ARHGEF7: variants seen among roughly 807,000 people sequenced by gnomAD.
ARHGEF7 encodes Rho guanine nucleotide exchange factor 7, also known as PAK-interacting exchange factor beta.
In ARHGEF7, 33 loss-of-function variants were observed where a neutral mutation model predicts 109.8. The observed-to-expected ratio is 0.30, with a 90% CI of 0.23 to 0.40. ARHGEF7 has a LOEUF of 0.40. Ranked by LOEUF, ARHGEF7 falls within the 10% of genes least tolerant of loss-of-function variation. The probability of loss-of-function intolerance (pLI) is 1.00; values close to 1 mark genes in which losing one functional copy is unlikely to be tolerated. For missense variants in ARHGEF7, 938 were observed against 1,098.5 expected (o/e 0.85, Z 2.07); for synonymous variants, 458 against 424.6 (o/e 1.08, Z -0.97).
chr13:111,156,080 CAAAAAA>C (rs56803261), intron 2 of ARHGEF7, among the ~76,000 whole-genome samples: 91 of 123,678 alleles, frequency 7.4e-4, no homozygotes, highest in Admixed American at 9.1e-4. Flanking sequence ...AAGACTCCCT[CAAAAAA>C]AAAAAAAAAA....
intron 1 of ARHGEF7, among the ~76,000 whole-genome samples, chr13:111,120,145 G>C (rs1215562236): frequency 6.6e-6 from 1 of 152,172 alleles, no homozygotes; most frequent in African/African-American, 2.4e-5. Flanking sequence ...TGACTTTATA[G>C]TCCTGTCTCA....
At chr13:111,136,462 A>G (rs2075093662) in intron 1 of ARHGEF7, among the ~76,000 whole-genome samples, 1 of 152,228 alleles carries the variant, frequency 6.6e-6, no homozygotes. Flanking sequence ...GCTCAACTAC[A>G]TGGAAACTGA....
At chr13:111,262,047 C>T (rs1383916142) in intron 8 of ARHGEF7, among the ~76,000 whole-genome samples, 4 of 152,024 alleles carry the variant, frequency 2.6e-5, no homozygotes, top group East Asian at 3.8e-4. Flanking sequence ...AATGATGCAT[C>T]TTAACAAGAA....
chr13:111,268,133 T>G (rs1019017307), intron 9 of ARHGEF7, among the ~76,000 whole-genome samples: 4 of 152,248 alleles, frequency 2.6e-5, no homozygotes, highest in African/African-American at 9.6e-5. Context: ...CAACAGAGAA[T>G]GCACAGACGT....
At chr13:111,221,202 T>C (rs2083849852) in intron 5 of ARHGEF7, among the ~76,000 whole-genome samples, 2 of 68,834 alleles carry the variant, frequency 2.9e-5, no homozygotes, top group Admixed American at 2.9e-4. Context: ...TATATATCTA[T>C]ATAGATATAT....
chr13:111,203,333 C>T (rs1411544681), intron 2 of ARHGEF7, among the ~76,000 whole-genome samples: 2 of 152,096 alleles, frequency 1.3e-5, no homozygotes, highest in South Asian at 2.1e-4. Context: ...CAGCTTAACC[C>T]GTATTTGTTA....
chr13:111,211,476 G>A (rs1035389999), intron 4 of ARHGEF7, among the ~76,000 whole-genome samples: 5 of 152,144 alleles, frequency 3.3e-5, no homozygotes, highest in African/African-American at 9.7e-5. Flanking sequence ...TGTAATGTTT[G>A]TTGGTAATGT....
chr13:111,252,849 G>A (rs755247904), intron 8 of ARHGEF7, among the ~76,000 whole-genome samples: 1 of 152,236 alleles, frequency 6.6e-6, no homozygotes, highest in African/African-American at 2.4e-5. Flanking sequence ...GTCTTCATTC[G>A]AGGTATGTAT....
At chr13:111,217,990 C>A in intron 5 of ARHGEF7, 110 bp downstream of exon 5, 1 of 1,126,634 alleles carries the variant, frequency 8.9e-7, no homozygotes, top group Non-Finnish European at 1.2e-6. Context: ...ATGACCTGGT[C>A]TTAGGATACA....
intron 1 of ARHGEF7, among the ~76,000 whole-genome samples, chr13:111,148,590 T>C (rs1408699385): frequency 2.6e-5 from 4 of 152,180 alleles, no homozygotes; most frequent in African/African-American, 7.2e-5. Flanking sequence ...ATGAAGCTGG[T>C]TGGGCCGTCC....
At chr13:111,123,895 C>T (rs945150655) in intron 1 of ARHGEF7, among the ~76,000 whole-genome samples, 11 of 150,762 alleles carry the variant, frequency 7.3e-5, no homozygotes, top group Non-Finnish European at 1.2e-4. Flanking sequence ...CCTGCCCCTG[C>T]GGCTGCCAGG....
At chr13:111,222,783 C>T (rs950695306) in intron 5 of ARHGEF7, among the ~76,000 whole-genome samples, 7 of 152,132 alleles carry the variant, frequency 4.6e-5, no homozygotes, top group African/African-American at 1.4e-4. Flanking sequence ...CATTTTTTAC[C>T]GTGTTACTCT....
intron 1 of ARHGEF7, among the ~76,000 whole-genome samples, chr13:111,129,515 A>C (rs545983683): frequency 7.4e-4 from 112 of 152,344 alleles, no homozygotes; most frequent in African/African-American, 2.5e-3. Context: ...TATGTAAAGA[A>C]CTCTCAAAAC....
chr13:111,244,867 T>C (rs1468562974), intron 8 of ARHGEF7, among the ~76,000 whole-genome samples: 5 of 152,240 alleles, frequency 3.3e-5, no homozygotes, highest in African/African-American at 9.6e-5. Context: ...TTTATTCTTG[T>C]AGCGTAAAAA....
At position 111,209,900 on chromosome 13, in the gene ARHGEF7, T is replaced by C. The variant is rs772154506; in HGVS notation, c.366T>C (p.Cys122=). ...ADIGLGSDSV[C]ARPSSHRIKS... The stretch of plus-strand genomic sequence containing the variant: ...TCGGGCTGGGGAGTGACTCCGTGTG[T>C]GCCCGGCCCTCGTCTCACCGCATAA... The change falls in exon 4 of 22, where the codon TGT becomes TGC. Residue 122 remains cysteine (C), a synonymous_variant. Transcript: ENST00000646102. 2 of 1,614,218 alleles carry C rather than the reference T, an allele frequency of 1.2e-6. No individual in the cohort carries two copies. Among genetic ancestry groups the C allele is most frequent in the Middle Eastern group, 1.7e-4 (1 of 6,060 alleles).
intron 2 of ARHGEF7, among the ~76,000 whole-genome samples, chr13:111,195,852 C>G (rs1427752531): frequency 2.6e-5 from 4 of 152,176 alleles, no homozygotes; most frequent in Admixed American, 2.0e-4. Context: ...GTTTGTCTGT[C>G]TGAGGGCCAT....
intron 1 of ARHGEF7, among the ~76,000 whole-genome samples, chr13:111,149,575 A>C (rs115636868): frequency 5.9e-5 from 9 of 152,374 alleles, no homozygotes; most frequent in African/African-American, 1.7e-4. Flanking sequence ...TTTGCCAACC[A>C]ATCAATACAT....
chr13:111,304,671 G>A lies in ARHGEF7; in HGVS notation c.*1558G>A, dbSNP rs1262929375. On this transcript the variant is annotated 3_prime_UTR_variant, in exon 22 of 22. Coordinates refer to ENST00000646102, the MANE Select transcript of ARHGEF7 (RefSeq NM_001354046.2). ...TTCTTCCTTGCCCTTGCTAATTACA[G>A]TCTCTGGTGCCCAGCAAGCCCCTTT... 1 of 152,236 alleles carries A rather than the reference G, an allele frequency of 6.6e-6. No homozygotes were observed. Among genetic ancestry groups the A allele is most frequent in the African/African-American group, 2.4e-5 (1 of 41,434 alleles). The allele number at this position is 152,236 out of a possible 1,614,324, so 9.4% of individuals were successfully genotyped here. A position where few individuals can be genotyped will look rare whatever the true frequency, so the allele number is the denominator to read the frequency against.
At chr13:111,294,042 A>G (rs2093365586) in intron 19 of ARHGEF7, 2 of 985,446 alleles carry the variant, frequency 2.0e-6, no homozygotes, top group African/African-American at 1.7e-5. Flanking sequence ...TGCTCACACC[A>G]TTGGAAGATT....
Sources: allele counts gnomAD v4.1 joint callset (sites outside exome capture counted in the v4.1 genomes callset), GRCh38; gene constraint gnomAD v4.1.1; transcripts MANE v1.5; gene names NCBI Gene and HGNC (gene_info 2026-07-23, HGNC 2026-07-21).